EDA: variants seen among roughly 807,000 people sequenced by gnomAD.
EDA encodes the protein ectodysplasin-A.
EDA carries 2 observed loss-of-function variants against 23.6 expected under a neutral mutation model. The ratio of observed to expected loss-of-function variants is 0.08; its 90% CI spans 0.03 to 0.27. EDA has a LOEUF of 0.27. EDA is among the 10% of genes least tolerant of loss of function. The probability of loss-of-function intolerance (pLI) is 1.00; values close to 1 mark genes in which losing one functional copy is unlikely to be tolerated. For missense variants in EDA, 229 were observed against 324.2 expected (o/e 0.71, Z 2.26); for synonymous variants, 131 against 132.0 (o/e 0.99, Z 0.05).
rs181412404 is a variant in EDA, at chrX:69,874,469, A to G, written c.397-82558A>G. Among the ~76,000 whole-genome samples the G allele has an allele frequency of 2.4e-4, 27 of 112,274 alleles. No individual in the cohort carries two copies. The East Asian group carries it at 7.6e-3, about 31-fold the overall frequency. On this transcript the variant is annotated intron_variant, in intron 1 of 7. Coordinates refer to ENST00000374552, the MANE Select transcript of EDA (RefSeq NM_001399.5). Reference sequence around the variant, plus strand: ...CCCTTTATGTTTAAAACCCTCAGCAAAATCAGCATACAAGGGACATACCTT... The same window carrying G: ...CCCTTTATGTTTAAAACCCTCAGCAGAATCAGCATACAAGGGACATACCTT...
rs186833629 is a variant in EDA, at chrX:69,639,438, T to C, written c.396+22734T>C. 1.3e-4 allele frequency among the ~76,000 whole-genome samples: 15 copies of C among 112,143 alleles called. No individual in the cohort carries two copies. The East Asian group carries it at 3.9e-3, about 29-fold the overall frequency. The stretch of plus-strand genomic sequence containing the variant: ...ACATCCTTATCAACACTTGTTATTA[T>C]ATTTTTGATTATACCCATCCTATTG... On this transcript the variant is annotated intron_variant, in intron 1 of 7. Transcript: ENST00000374552.
At chrX:70,017,030 A>G (rs996254667) in intron 2 of EDA, among the ~76,000 whole-genome samples, 5 of 108,325 alleles carry the variant, frequency 4.6e-5, no homozygotes, top group African/African-American at 1.7e-4. Flanking sequence ...GGGCATTACC[A>G]TCAATACAAC....
At chrX:69,720,431 C>T (rs2012537478) in intron 1 of EDA, among the ~76,000 whole-genome samples, 1 of 111,812 alleles carries the variant, frequency 8.9e-6, no homozygotes, top group South Asian at 3.7e-4. Flanking sequence ...AACTTTCAAC[C>T]ATTATTTTTT....
chrX:70,002,096 A>C (rs1363646444), intron 2 of EDA, among the ~76,000 whole-genome samples: 1 of 111,804 alleles, frequency 8.9e-6, no homozygotes, highest in Non-Finnish European at 1.9e-5. Flanking sequence ...CTGAGGCATG[A>C]GAGTTCCCGG....
chrX:69,854,896 T>C (rs1168644363), intron 1 of EDA, among the ~76,000 whole-genome samples: 1 of 112,497 alleles, frequency 8.9e-6, no homozygotes, highest in Non-Finnish European at 1.9e-5. Flanking sequence ...TCTTCCACAG[T>C]GGTTGAACTA....
intron 1 of EDA, among the ~76,000 whole-genome samples, chrX:69,952,118 A>G (rs1229531732): frequency 8.9e-6 from 1 of 111,966 alleles, no homozygotes; most frequent in Non-Finnish European, 1.9e-5. Context: ...CCTGTAACTG[A>G]GATGCAAAAA....
chrX:69,642,087 A>T (rs903724746), intron 1 of EDA, among the ~76,000 whole-genome samples: 1 of 111,340 alleles, frequency 9.0e-6, no homozygotes, highest in African/African-American at 3.3e-5. Context: ...GCCAGAAATA[A>T]TAGTAGTAGT....
At chrX:69,622,223 A>G (rs975421496) in intron 1 of EDA, among the ~76,000 whole-genome samples, 8 of 111,866 alleles carry the variant, frequency 7.2e-5, no homozygotes, top group African/African-American at 2.6e-4. Flanking sequence ...TTGAATTTCT[A>G]TTGCTTGTAT....
chrX:69,922,171 T>C (rs2018445797), intron 1 of EDA, among the ~76,000 whole-genome samples: 1 of 112,619 alleles, frequency 8.9e-6, no homozygotes, highest in Non-Finnish European at 1.9e-5. Context: ...AATTCTATTA[T>C]ATGGATGTAC....
chrX:69,738,711 A>G (rs1042108049), intron 1 of EDA, among the ~76,000 whole-genome samples: 2 of 108,997 alleles, frequency 1.8e-5, no homozygotes, highest in Non-Finnish European at 3.8e-5. Flanking sequence ...ATCTCAAAAT[A>G]TTTTCTAATT....
chrX:69,993,202 T>TAAATA (rs1378464724), intron 2 of EDA, among the ~76,000 whole-genome samples: 1 of 109,068 alleles, frequency 9.2e-6, no homozygotes, highest in African/African-American at 3.3e-5. Flanking sequence ...AGTAAAATAA[T>TAAATA]AAATAAAATA....
intron 1 of EDA, chrX:69,743,145 T>C (rs2013511725): frequency 9.0e-6 from 1 of 111,076 alleles, no homozygotes; most frequent in Non-Finnish European, 1.9e-5. Flanking sequence ...GAGAATTGAG[T>C]TAATGTTTGT....
chrX:69,721,207 A>T (rs2012565735), intron 1 of EDA, among the ~76,000 whole-genome samples: 1 of 111,627 alleles, frequency 9.0e-6, no homozygotes. Flanking sequence ...TCTCTGGAAG[A>T]AGGAAGGGCA....
At chrX:69,972,762 T>G (rs2019265512) in intron 2 of EDA, among the ~76,000 whole-genome samples, 1 of 111,793 alleles carries the variant, frequency 8.9e-6, no homozygotes, top group Non-Finnish European at 1.9e-5. Context: ...TTTTAAAATG[T>G]AAAGCCCTGG....
At chrX:69,955,014 A>G (rs2018979214) in intron 1 of EDA, among the ~76,000 whole-genome samples, 1 of 112,187 alleles carries the variant, frequency 8.9e-6, no homozygotes, top group Non-Finnish European at 1.9e-5. Flanking sequence ...TTCTTTTTTA[A>G]TGGCTGCATA....
intron 1 of EDA, among the ~76,000 whole-genome samples, chrX:69,752,686 G>A (rs1020894985): frequency 1.8e-5 from 2 of 111,786 alleles, no homozygotes; most frequent in African/African-American, 6.5e-5. Flanking sequence ...GGTAGAATTC[G>A]GCTGTGAATC....
At chrX:69,822,958 G>C (rs1441021077) in intron 1 of EDA, among the ~76,000 whole-genome samples, 2 of 97,376 alleles carry the variant, frequency 2.1e-5, no homozygotes, top group South Asian at 5.1e-4. Flanking sequence ...TTTGTTTTTT[G>C]TTCTTGTGAT....
At chrX:69,940,866 G>C (rs994989840) in intron 1 of EDA, among the ~76,000 whole-genome samples, 1 of 111,445 alleles carries the variant, frequency 9.0e-6, no homozygotes, top group African/African-American at 3.3e-5. Context: ...TCATTAGGTT[G>C]TTCATTTGAA....
intron 1 of EDA, among the ~76,000 whole-genome samples, chrX:69,703,815 T>C (rs1052338067): frequency 3.6e-5 from 4 of 111,743 alleles, no homozygotes; most frequent in African/African-American, 1.3e-4. Context: ...TTTCAGGCCC[T>C]GGGGAGAATC....
Sources: gnomAD v4.1 joint callset for allele counts (sites outside exome capture counted in the v4.1 genomes callset) on GRCh38, gnomAD v4.1.1 for gene constraint, MANE v1.5 for transcripts, NCBI Gene and HGNC (gene_info 2026-07-23, HGNC 2026-07-21) for gene names.